TRPM1: variants seen among roughly 807,000 people sequenced by gnomAD.
TRPM1 encodes the protein transient receptor potential cation channel subfamily M member 1, also known as TRPM1-203 APA Isoform, Intron 10.
In TRPM1, 113 loss-of-function variants were observed where a neutral mutation model predicts 149.4. That is an observed-to-expected ratio of 0.76 (90% CI 0.65 to 0.88). The LOEUF is 0.88. TRPM1 is among the 40% of genes least tolerant of loss of function. The pLI is 0.00. For synonymous variants in TRPM1, 741 were observed against 759.5 expected (o/e 0.98, Z 0.40); for missense variants, 1,976 against 2,038.7 (o/e 0.97, Z 0.59).
intron 1 of TRPM1, among the ~76,000 whole-genome samples, chr15:31,099,345 T>A (rs2035464443): frequency 6.6e-6 from 1 of 152,114 alleles, no homozygotes; most frequent in Non-Finnish European, 1.5e-5. Context: ...TGTCCTCTTA[T>A]TCTCCTGGCT....
At chr15:31,124,307 A>G (rs570491023) in intron 1 of TRPM1, among the ~76,000 whole-genome samples, 1 of 152,014 alleles carries the variant, frequency 6.6e-6, no homozygotes, top group Non-Finnish European at 1.5e-5. Context: ...TAAATAAATA[A>G]GCCATCAGGC....
chr15:31,031,247 TTCA>T, intron 22 of TRPM1, 90 bp from the exon 23 acceptor site: 8 of 1,418,414 alleles, frequency 5.6e-6, no homozygotes, highest in Non-Finnish European at 8.0e-6. Context: ...AATTAAGCAC[TTCA>T]CGAGTGCTTA....
intron 1 of TRPM1, among the ~76,000 whole-genome samples, chr15:31,100,684 C>T (rs942466516): frequency 5.3e-5 from 8 of 152,054 alleles, no homozygotes; most frequent in Non-Finnish European, 7.4e-5. Flanking sequence ...AGGCTTTTTC[C>T]GTGAATAGAT....
chr15:31,042,933 C>G (rs2033665077), intron 16 of TRPM1, among the ~76,000 whole-genome samples: 2 of 152,222 alleles, frequency 1.3e-5, no homozygotes, highest in Non-Finnish European at 2.9e-5. Context: ...CAGGCTAATA[C>G]TTTAGTATTC....
In TRPM1 at chr15:31,038,971, A is replaced by G. The variant is rs758746682; in HGVS notation, c.2317-805T>C. ...AGGATGCCCGGATGCCCAGGCTCAT[A>G]GATAGAAAACATGCTTCCCCTTTTT... On this transcript the variant is annotated intron_variant, in intron 18 of 27. Transcript: ENST00000256552. 6.6e-4 allele frequency among the ~76,000 whole-genome samples: 99 copies of G among 151,140 alleles called. 1 individual carries two copies. The highest frequency in any genetic ancestry group is 1.2e-3 in the Non-Finnish European group (80 of 67,772).
chr15:31,013,726 G>C (rs1300105563), intron 27 of TRPM1, among the ~76,000 whole-genome samples: 1 of 152,124 alleles, frequency 6.6e-6, no homozygotes, highest in African/African-American at 2.4e-5. Context: ...TGTTTGTTTA[G>C]TGTAGTTGTT....
rs1284499949 is a variant in TRPM1, at chr15:31,060,676, A to C, written c.1163-32T>G. ...AGGCAAGAAACCGGAATGATTTTTCACTCCACGCCTGGACCGCCAGGGTTT... is the reference window on the plus strand; with the variant it reads ...AGGCAAGAAACCGGAATGATTTTTCCCTCCACGCCTGGACCGCCAGGGTTT... On this transcript the variant is annotated intron_variant, in intron 10 of 27. Coordinates refer to ENST00000256552, the MANE Select transcript of TRPM1 (RefSeq NM_001252024.2). 5 of 1,585,702 alleles carry C rather than the reference A, an allele frequency of 3.2e-6. No individual in the cohort carries two copies. In the African/African-American group the frequency reaches 5.4e-5, roughly 17 times the overall value.
intron 1 of TRPM1, among the ~76,000 whole-genome samples, chr15:31,099,261 A>G (rs1596070947): frequency 1.3e-5 from 2 of 152,264 alleles, no homozygotes; most frequent in East Asian, 3.9e-4. Context: ...GTCTCTTGCT[A>G]CTGTCTACTT....
chr15:31,037,871 G>A, intron 19 of TRPM1, 29 bp from the exon 20 acceptor site: 1 of 1,613,940 alleles, frequency 6.2e-7, no homozygotes, highest in Non-Finnish European at 8.5e-7. Flanking sequence ...CACATGACAG[G>A]CAGGTGGCTA....
rs2162070 is a variant in TRPM1, at chr15:31,032,431, A to T, written c.2952+258T>A. On this transcript the variant is annotated intron_variant, in intron 22 of 27. Coordinates refer to ENST00000256552, the MANE Select transcript of TRPM1 (RefSeq NM_001252024.2). ...TATGTATACACACATATATACAGTG[A>T]ATGTATATACACTATATATGTATAT... is the stretch of plus-strand genomic sequence containing the variant. Among the ~76,000 whole-genome samples the T allele has an allele frequency of 0.32, 48,231 of 152,000 alleles. 9,257 individuals are homozygous for T. The highest frequency in any genetic ancestry group is 0.54 in the African/African-American group (22,387 of 41,396).
In TRPM1 at chr15:31,081,998, G is replaced by A. The variant is rs144836135; in HGVS notation, c.-83-560C>T. 2.3e-4 allele frequency among the ~76,000 whole-genome samples: 35 copies of A among 152,226 alleles called. No individual in the cohort carries two copies. The East Asian group carries it at 6.6e-3, about 29-fold the overall frequency. ...CCTCCTTCCCCTCCTGCCAGGCTCT[G>A]GGGCTGAACAATGCCAAGGTCATAA... On this transcript the variant is annotated intron_variant, in intron 1 of 27. Coordinates refer to ENST00000256552, the MANE Select transcript of TRPM1 (RefSeq NM_001252024.2).
chr15:31,097,564 CT>C (rs2035418341), intron 1 of TRPM1, among the ~76,000 whole-genome samples: 1 of 152,166 alleles, frequency 6.6e-6, no homozygotes, highest in Admixed American at 6.5e-5. Flanking sequence ...GAAACCTCCA[CT>C]TTTTTGTTAG....
At chr15:31,088,160 A>G (rs1339624203) in intron 1 of TRPM1, among the ~76,000 whole-genome samples, 1 of 152,120 alleles carries the variant, frequency 6.6e-6, no homozygotes, top group Non-Finnish European at 1.5e-5. Flanking sequence ...GTGTCTAGCT[A>G]AAGGTTTGTA....
At chr15:31,075,592 G>A (rs1024667875) in intron 3 of TRPM1, among the ~76,000 whole-genome samples, 1 of 152,176 alleles carries the variant, frequency 6.6e-6, no homozygotes, top group East Asian at 1.9e-4. Context: ...AGCAACAGGT[G>A]GTAAGGGACA....
chr15:31,105,223 C>A (rs535711712), upstream of TRPM1, among the ~76,000 whole-genome samples: 1 of 152,282 alleles, frequency 6.6e-6, no homozygotes, highest in South Asian at 2.1e-4. Flanking sequence ...CTGACGCCAC[C>A]CCAGGAATCT....
chr15:31,027,844 A>G (rs1406298478), intron 25 of TRPM1, among the ~76,000 whole-genome samples: 1 of 152,230 alleles, frequency 6.6e-6, no homozygotes, highest in African/African-American at 2.4e-5. Context: ...AACATGCCAA[A>G]TAGGCAGGTT....
chr15:31,146,146 T>C (rs2036222009), intron 1 of TRPM1, among the ~76,000 whole-genome samples: 1 of 152,142 alleles, frequency 6.6e-6, no homozygotes, highest in Non-Finnish European at 1.5e-5. Flanking sequence ...CTGTATCCTC[T>C]CAAAAAAGTT....
chr15:31,005,456 TCTCTC>T (rs1157841232), intron 27 of TRPM1, among the ~76,000 whole-genome samples: 1 of 152,002 alleles, frequency 6.6e-6, no homozygotes, highest in African/African-American at 2.4e-5. Context: ...TCCCCTCACT[TCTCTC>T]CTCTCCCCTC....
At chr15:31,063,359 C>T in intron 7 of TRPM1, 67 bp from the exon 8 acceptor site, 1 of 1,597,868 alleles carries the variant, frequency 6.3e-7, no homozygotes, top group Non-Finnish European at 8.6e-7. Context: ...CGTTTTAACT[C>T]CTGAAGTATG....
Sources: gnomAD v4.1 joint callset for allele counts (sites outside exome capture counted in the v4.1 genomes callset) on GRCh38, gnomAD v4.1.1 for gene constraint, MANE v1.5 for transcripts, NCBI Gene and HGNC (gene_info 2026-07-23, HGNC 2026-07-21) for gene names.